The following PRKAG3 variants were observed in gnomAD, a reference collection of about 807,000 sequenced individuals.
PRKAG3 encodes 5'-AMP-activated protein kinase subunit gamma-3.
PRKAG3 carries 39 observed loss-of-function variants against 56.5 expected under a neutral mutation model. That is an observed-to-expected ratio of 0.69 (90% CI 0.53 to 0.90). The LOEUF is 0.90. PRKAG3 is among the 40% of genes least tolerant of loss of function. The pLI is 0.00. For missense variants in PRKAG3, 628 were observed against 627.5 expected, an observed-to-expected ratio of 1.00 and a Z score of -0.01; for synonymous variants, 243 against 250.1, an observed-to-expected ratio of 0.97 and a Z score of 0.27.
At chr2:218,824,367 T>C in exon 12 of PRKAG3, 1 of 1,614,098 alleles carries the variant, frequency 6.2e-7, no homozygotes, top group African/African-American at 1.3e-5. Context: ...GGCAGCCAGG[T>C]GCTGGGGCAG....
At chr2:218,823,312 C>T (rs1050330704), downstream of PRKAG3, 1 of 232,764 alleles carries the variant, frequency 4.3e-6, no homozygotes, top group Admixed American at 5.2e-5. Context: ...GAAATTCCAT[C>T]CAACAAATGT....
chr2:218,823,905 G>T (rs1024579785), intron 12 of PRKAG3, 27 bp from the exon 13 acceptor site: 5 of 1,602,754 alleles, frequency 3.1e-6, no homozygotes, highest in Middle Eastern at 1.7e-4. Context: ...TTCAGTGAGG[G>T]GGCAGAGCCA....
intron 10 of PRKAG3, chr2:218,826,690 C>T (rs2105986985): frequency 1.8e-6 from 1 of 552,918 alleles, no homozygotes; most frequent in East Asian, 3.2e-5. Flanking sequence ...TTTAAATCCT[C>T]CTGTGAAGTC....
chr2:218,827,887 A>G lies in PRKAG3; in HGVS notation c.775-9T>C, dbSNP rs756067211. On this transcript the variant is annotated splice_polypyrimidine_tract_variant and intron_variant, in intron 6 of 12. Coordinates refer to ENST00000529249, the Ensembl canonical transcript of PRKAG3. The surrounding 1 kb of genome is among the most constrained non-coding windows in gnomAD (Gnocchi z 5.3). ...ATCTCATAGATCTGGACCTAGAGACATCGACAGGACTCCAGAAGTCAGAAA... is the reference window on the plus strand; with the variant it reads ...ATCTCATAGATCTGGACCTAGAGACGTCGACAGGACTCCAGAAGTCAGAAA... 7 of 1,613,898 alleles carry G rather than the reference A, an allele frequency of 4.3e-6. No individual in the cohort carries two copies. Among genetic ancestry groups the G allele is most frequent in the Non-Finnish European group, 5.9e-6 (7 of 1,179,974 alleles).
chr2:218,828,560 C>A (rs370008874), exon 5 of PRKAG3: 7 of 1,613,664 alleles, frequency 4.3e-6, no homozygotes, highest in Admixed American at 1.7e-5. Flanking sequence ...AGGGGCTGCC[C>A]GCACACCGTT....
At chr2:218,831,412 T>C (rs778276921) in intron 1 of PRKAG3, 37 bp from the exon 2 acceptor site, 191 of 1,562,280 alleles carry the variant, frequency 1.2e-4, no homozygotes, top group Non-Finnish European at 1.5e-4. Context: ...GTGGGGAAAG[T>C]GCCTTACATT....
Position 218,828,076 on chromosome 2 carries a change from CG to C in PRKAG3, c.716-15del. 1 of 1,552,928 alleles carries C rather than the reference CG, an allele frequency of 6.4e-7. No individual in the cohort carries two copies. Among genetic ancestry groups the C allele is most frequent in the Non-Finnish European group, 8.7e-7 (1 of 1,147,454 alleles). On this transcript the variant is annotated splice_polypyrimidine_tract_variant and intron_variant, in intron 5 of 12. Transcript: ENST00000529249. ...TGGTCAGCATCCCTGCAGGGAGGGG[CG>C]GGGAGGAGGTCAGCCCGGGGCCTTT... is the stretch of plus-strand genomic sequence containing the variant.
chr2:218,830,467 C>G, intron 3 of PRKAG3, 86 bp from the exon 4 acceptor site: 1 of 1,492,150 alleles, frequency 6.7e-7, no homozygotes, highest in South Asian at 1.3e-5. Flanking sequence ...CTCACAGCAG[C>G]AGTGGGAAGC....
At chr2:218,824,118 A>G in intron 12 of PRKAG3, 104 bp downstream of exon 12, 1 of 1,575,104 alleles carries the variant, frequency 6.3e-7, no homozygotes, top group Non-Finnish European at 8.7e-7. Flanking sequence ...TGGTCATGAA[A>G]TGGAAGGATA....
At chr2:218,822,469 G>A (rs1298027366), downstream of PRKAG3, 1 of 152,124 alleles carries the variant, frequency 6.6e-6, no homozygotes, top group Non-Finnish European at 1.5e-5. Context: ...ACAAGTTCAG[G>A]TCAAATGACT....
chr2:218,830,684 G>A, intron 3 of PRKAG3, 62 bp downstream of exon 3: 1 of 1,573,208 alleles, frequency 6.4e-7, no homozygotes, highest in Non-Finnish European at 8.6e-7. Flanking sequence ...ACCAGACCCA[G>A]GCTCCTCTGG....
chr2:218,825,658 C>A (rs113436074), intron 10 of PRKAG3, among the ~76,000 whole-genome samples: 11 of 148,552 alleles, frequency 7.4e-5, no homozygotes, highest in African/African-American at 2.5e-4. Context: ...AAAACAACAC[C>A]CAAAATACCC....
intron 3 of PRKAG3, 56 bp from the exon 4 acceptor site, chr2:218,830,437 C>T (rs2105989648): frequency 6.4e-7 from 1 of 1,557,466 alleles, no homozygotes; most frequent in Non-Finnish European, 8.7e-7. Context: ...AGCACGTTCT[C>T]ATCTGCTGTC....
downstream of PRKAG3, chr2:218,823,102 G>A: frequency 1.1e-6 from 1 of 916,716 alleles, no homozygotes; most frequent in Non-Finnish European, 1.3e-6. Context: ...AAGGGAAGAT[G>A]GTGACCACAT....
In PRKAG3 at chr2:218,827,296, A is replaced by G; in HGVS notation, c.953T>C (p.Val318Ala). Residue 318 changes from valine to alanine, a missense_variant, in exon 9 of 13, where the codon GTA becomes GCA. Coordinates refer to ENST00000529249, the Ensembl canonical transcript of PRKAG3. This position sits in a 1 kb window ranked among gnomAD's most constrained non-coding sequence, Gnocchi z 5.3. ...GCGTTTGTGTGTGAGGATGTGGAGTACGTTGCCTGACACCGGGTCAAGAAC... is the reference window on the plus strand; with the variant it reads ...GCGTTTGTGTGTGAGGATGTGGAGTGCGTTGCCTGACACCGGGTCAAGAAC... 1 of 1,614,180 alleles carries G rather than the reference A, an allele frequency of 6.2e-7. No individual in the cohort carries two copies. The highest frequency in any genetic ancestry group is 1.1e-5 in the South Asian group (1 of 91,080).
At chr2:218,822,319 T>G (rs1410865913), downstream of PRKAG3, 1 of 152,196 alleles carries the variant, frequency 6.6e-6, no homozygotes, top group African/African-American at 2.4e-5. Context: ...AATGAATTAA[T>G]TTTTTCTTTA....
chr2:218,828,660 G>A, intron 4 of PRKAG3, 60 bp from the exon 5 acceptor site: 2 of 1,418,754 alleles, frequency 1.4e-6, no homozygotes, highest in Non-Finnish European at 1.9e-6. Flanking sequence ...CCCCCTCTCT[G>A]CCCCTCAGTG....
Position 218,831,527 on chromosome 2 carries a change from C to T in PRKAG3, c.34-152G>A, listed in dbSNP as rs892896660. 2.2e-5 allele frequency: 22 copies of T among 979,978 alleles called. No individual in the cohort carries two copies. The African/African-American group carries it at 2.9e-4, about 13-fold the overall frequency. 60.7% of individuals were successfully genotyped at this position (979,978 alleles called of 1,614,324 possible). A position where few individuals can be genotyped will look rare whatever the true frequency, so the allele number is the denominator to read the frequency against. On this transcript the variant is annotated intron_variant, in intron 1 of 12. Transcript: ENST00000529249. ...ACATGCAGCCATACACAAACACACACAGAAACACACACATCCAAACACTCC... is the reference window on the plus strand; with the variant it reads ...ACATGCAGCCATACACAAACACACATAGAAACACACACATCCAAACACTCC...
chr2:218,828,438 C>T, intron 5 of PRKAG3, 81 bp downstream of exon 5: 2 of 1,396,460 alleles, frequency 1.4e-6, no homozygotes, highest in South Asian at 1.4e-5. Context: ...TGTGGTATAT[C>T]AGAGATCAGC....
Sources: gnomAD v4.1 joint callset for allele counts (sites outside exome capture counted in the v4.1 genomes callset) on GRCh38, gnomAD v4.1.1 for gene constraint, Gnocchi (gnomAD v3.1) non-coding constraint, MANE v1.5 for transcripts, NCBI Gene and HGNC (gene_info 2026-07-23, HGNC 2026-07-21) for gene names.